The following PRPSAP2 variants were observed in gnomAD, a reference collection of about 807,000 sequenced individuals.
PRPSAP2 encodes the protein phosphoribosyl pyrophosphate synthase-associated protein 2.
A neutral mutation model predicts 40.6 loss-of-function variants in PRPSAP2; 24 were observed. That is an observed-to-expected ratio of 0.59 (90% CI 0.43 to 0.83). The LOEUF is 0.83. Among genes scored for constraint, PRPSAP2 ranks in the 40% least tolerant of loss-of-function variants. The pLI, the probability that PRPSAP2 is intolerant of heterozygous loss-of-function variation, is 0.00. For missense variants in PRPSAP2, 292 were observed against 465.6 expected (o/e 0.63, Z 3.43); for synonymous variants, 149 against 164.7 (o/e 0.90, Z 0.73).
At chr17:18,927,305 G>A (rs1352435619) in intron 10 of PRPSAP2, among the ~76,000 whole-genome samples, 2 of 152,186 alleles carry the variant, frequency 1.3e-5, no homozygotes, top group Admixed American at 6.5e-5. Flanking sequence ...CATGAATTTT[G>A]GAGGGACAAA....
chr17:18,857,507 G>T (rs1270898807), upstream of PRPSAP2, among the ~76,000 whole-genome samples: 3 of 151,284 alleles, frequency 2.0e-5, no homozygotes, highest in South Asian at 4.2e-4. Flanking sequence ...TCTGCCTCCC[G>T]GGTTCAAGCG....
chr17:18,886,929 C>CTTTTTTTTTTTTT lies in PRPSAP2; in HGVS notation c.529-2881_529-2869dup, dbSNP rs71155365. On this transcript the variant is annotated intron_variant, in intron 7 of 11. Coordinates refer to ENST00000268835, the MANE Select transcript of PRPSAP2 (RefSeq NM_002767.4). ...CATACATGATAATTTTTCTTTTCTT[C>CTTTTTTTTTTTTT]TTTTTTTTTTTTTTTTTTTTTTTTG... 1.3e-3 allele frequency among the ~76,000 whole-genome samples: 97 copies of CTTTTTTTTTTTTT among 75,384 alleles called. 3 individuals are homozygous for CTTTTTTTTTTTTT. The highest frequency in any genetic ancestry group is 1.5e-3 in the African/African-American group (28 of 18,524). 49.5% of individuals were successfully genotyped at this position (75,384 alleles called of 152,430 possible).
chr17:18,905,503 G>A (rs1003581373), intron 8 of PRPSAP2, among the ~76,000 whole-genome samples: 8 of 152,118 alleles, frequency 5.3e-5, no homozygotes, highest in Non-Finnish European at 8.8e-5. Context: ...ATTTCAAGGA[G>A]GAACTAATAA....
At chr17:18,898,958 A>G (rs149620702) in intron 8 of PRPSAP2, among the ~76,000 whole-genome samples, 2,163 of 151,766 alleles carry the variant, frequency 0.014, 24 homozygotes, top group Non-Finnish European at 0.024. Context: ...CTGGAGTGCA[A>G]TGGCGTGATC....
chr17:18,878,593 T>A (rs1031881816), intron 6 of PRPSAP2, among the ~76,000 whole-genome samples: 1 of 152,172 alleles, frequency 6.6e-6, no homozygotes, highest in Non-Finnish European at 1.5e-5. Flanking sequence ...GTTTCGCTCC[T>A]GTTGCCCAGG....
chr17:18,857,714 C>G (rs1390270627), upstream of PRPSAP2: 1 of 152,142 alleles, frequency 6.6e-6, no homozygotes, highest in East Asian at 1.9e-4. Flanking sequence ...ACCACCGCGT[C>G]TGGCCGTATT....
At position 18,878,707 on chromosome 17, in the gene PRPSAP2, G is replaced by A. The variant is rs538996003; in HGVS notation, c.412+837G>A. Among the ~76,000 whole-genome samples the A allele has an allele frequency of 2.6e-5, 4 of 151,988 alleles. No homozygotes were observed. The East Asian group carries it at 5.8e-4, about 22-fold the overall frequency. ...CAAGTAGCTGGGATTACAGGCATGC[G>A]CCACCACGCCCGGCTAATTTTGTAT... On this transcript the variant is annotated intron_variant, in intron 6 of 11. Transcript: ENST00000268835.
chr17:18,907,971 C>T (rs1391657056), intron 8 of PRPSAP2, among the ~76,000 whole-genome samples: 1 of 152,090 alleles, frequency 6.6e-6, no homozygotes, highest in Non-Finnish European at 1.5e-5. Context: ...GAAACCCCAT[C>T]TCTACAAAAA....
intron 5 of PRPSAP2, among the ~76,000 whole-genome samples, chr17:18,877,160 A>G (rs2038359539): frequency 6.6e-6 from 1 of 152,230 alleles, no homozygotes; most frequent in East Asian, 1.9e-4. Context: ...CATGGAGGCC[A>G]CTGATGACCT....
rs1182438876 is a variant in PRPSAP2 at position 18,930,536 on chromosome 17, A to G, written c.952-4A>G. 1 of 1,609,068 alleles carries G rather than the reference A, an allele frequency of 6.2e-7. No individual in the cohort carries two copies. Among genetic ancestry groups the G allele is most frequent in the African/African-American group, 1.3e-5 (1 of 74,564 alleles). Reference sequence around the variant, plus strand: ...GCTGTGGTTTTTTTTCTTTTGCTTCACAGGTGGTGGTCACCAATACAATTC... The same window carrying G: ...GCTGTGGTTTTTTTTCTTTTGCTTCGCAGGTGGTGGTCACCAATACAATTC... On this transcript the variant is annotated splice_polypyrimidine_tract_variant and splice_region_variant and intron_variant, in intron 11 of 11. Transcript: ENST00000268835.
At chr17:18,861,660 G>A (rs555259500) in intron 1 of PRPSAP2, among the ~76,000 whole-genome samples, 53 of 152,026 alleles carry the variant, frequency 3.5e-4, no homozygotes, top group Admixed American at 1.3e-3. Context: ...AGTCTAGAAC[G>A]TCAGAGACCA....
chr17:18,889,341 G>C (rs776773013), intron 7 of PRPSAP2, among the ~76,000 whole-genome samples: 5 of 152,106 alleles, frequency 3.3e-5, no homozygotes, highest in Non-Finnish European at 5.9e-5. Context: ...TGAGAATATA[G>C]TTAATATATT....
At position 18,877,577 on chromosome 17, in the gene PRPSAP2, T is replaced by C. The variant is rs770715718; in HGVS notation, c.240-121T>C. On this transcript the variant is annotated intron_variant, in intron 5 of 11. Coordinates refer to ENST00000268835, the MANE Select transcript of PRPSAP2 (RefSeq NM_002767.4). ...AGAAAAGAGGAATTTATTGGTTGGT[T>C]TTTTTCTGCCTTGCACCTTAGGTTG... 3.4e-3 allele frequency: 3,123 copies of C among 931,944 alleles called. 3 individuals carry two copies. Among genetic ancestry groups the C allele is most frequent in the Non-Finnish European group, 4.4e-3 (2,878 of 659,746 alleles). The allele number at this position is 931,944 out of a possible 1,614,324, so 57.7% of individuals were successfully genotyped here.
intron 7 of PRPSAP2, among the ~76,000 whole-genome samples, chr17:18,887,186 C>T (rs2039227200): frequency 6.6e-6 from 1 of 151,864 alleles, no homozygotes; most frequent in African/African-American, 2.4e-5. Context: ...CCACCCGCCT[C>T]AACCTCCCAG....
intron 1 of PRPSAP2, among the ~76,000 whole-genome samples, chr17:18,863,534 TTTTCTTTTC>T (rs2037199657): frequency 1.3e-5 from 2 of 152,004 alleles, no homozygotes; most frequent in African/African-American, 2.4e-5. Context: ...TTCTCTTTTC[TTTTCTTTTC>T]TTTATTTGAA....
intron 8 of PRPSAP2, among the ~76,000 whole-genome samples, chr17:18,908,098 C>T (rs755296410): frequency 4.6e-5 from 7 of 152,032 alleles, no homozygotes; most frequent in Non-Finnish European, 7.4e-5. Flanking sequence ...ATCATGTGAC[C>T]GCACTAGCCA....
intron 7 of PRPSAP2, among the ~76,000 whole-genome samples, chr17:18,887,437 C>T (rs2039246129): frequency 6.6e-6 from 1 of 151,848 alleles, no homozygotes; most frequent in Non-Finnish European, 1.5e-5. Context: ...GGGGTTTCAC[C>T]ATGCTGGCCA....
chr17:18,897,857 G>A (rs1290957068), intron 8 of PRPSAP2, among the ~76,000 whole-genome samples: 1 of 151,956 alleles, frequency 6.6e-6, no homozygotes, highest in African/African-American at 2.4e-5. Flanking sequence ...ATATACTGAT[G>A]TCATTTTATC....
Position 18,911,065 on chromosome 17 carries a change from G to T in PRPSAP2, c.585-38G>T, listed in dbSNP as rs747703466. ...CTAGGCATTAGCAGAACCAAGGGCT[G>T]CATGAGTTTTGAGCTTGTGTCTGGT... On this transcript the variant is annotated intron_variant, in intron 8 of 11. Coordinates refer to ENST00000268835, the MANE Select transcript of PRPSAP2 (RefSeq NM_002767.4). The surrounding 1 kb of genome is among the most constrained non-coding windows in gnomAD (Gnocchi z 4.5). 3.0e-5 allele frequency: 47 copies of T among 1,571,158 alleles called. No individual in the cohort carries two copies. Among genetic ancestry groups the T allele is most frequent in the South Asian group, 9.3e-5 (8 of 86,062 alleles).
Sources: gnomAD v4.1 joint callset for allele counts (sites outside exome capture counted in the v4.1 genomes callset) on GRCh38, gnomAD v4.1.1 for gene constraint, Gnocchi (gnomAD v3.1) non-coding constraint, MANE v1.5 for transcripts, NCBI Gene and HGNC (gene_info 2026-07-23, HGNC 2026-07-21) for gene names.